Variants in ARHGAP18 observed in about 807,000 individuals in gnomAD.
The protein encoded by ARHGAP18 is rho GTPase-activating protein 18.
In ARHGAP18, 67 loss-of-function variants were observed where a neutral mutation model predicts 86.2. The observed-to-expected ratio is 0.78, with a 90% CI of 0.64 to 0.95. ARHGAP18 has a LOEUF of 0.95. Among genes scored for constraint, ARHGAP18 ranks in the 40% least tolerant of loss-of-function variants. ARHGAP18 has a pLI of 0.00. For synonymous variants in ARHGAP18, 283 were observed against 280.4 expected (o/e 1.01, Z -0.09); for missense variants, 691 against 780.4 (o/e 0.89, Z 1.37).
chr6:129,603,203 C>G (rs1185659493), intron 10 of ARHGAP18, among the ~76,000 whole-genome samples: 1 of 151,960 alleles, frequency 6.6e-6, no homozygotes, highest in Non-Finnish European at 1.5e-5. Context: ...CCTTTGCATC[C>G]TCATAGCTTA....
chr6:129,627,093 AAT>A (rs1308696738), intron 5 of ARHGAP18, among the ~76,000 whole-genome samples: 209 of 152,258 alleles, frequency 1.4e-3, no homozygotes, highest in Non-Finnish European at 3.8e-4. Flanking sequence ...GATCACATCA[AAT>A]ATGTGTAAAT....
chr6:129,621,520 T>C (rs1362821820), intron 5 of ARHGAP18, among the ~76,000 whole-genome samples: 1 of 152,132 alleles, frequency 6.6e-6, no homozygotes, highest in African/African-American at 2.4e-5. Flanking sequence ...AGGTGGCAAA[T>C]GCTGTTTCCA....
chr6:129,618,052 A>C (rs1293436642), intron 6 of ARHGAP18, among the ~76,000 whole-genome samples: 1 of 150,792 alleles, frequency 6.6e-6, no homozygotes, highest in African/African-American at 2.4e-5. Context: ...TCTGTTCTCT[A>C]TTATATCATT....
Position 129,577,251 on chromosome 6 carries a change from C to G in ARHGAP18, c.*1262G>C, listed in dbSNP as rs569919863. On this transcript the variant is annotated 3_prime_UTR_variant, in exon 15 of 15. Transcript: ENST00000368149. ...CTGTTCTCATTAACAGCATTCCCCC[C>G]CTTCATTAGAGACATCAAGAGCTTC... is the stretch of plus-strand genomic sequence containing the variant. 2.1e-4 allele frequency: 32 copies of G among 152,138 alleles called. No individual in the cohort carries two copies. Among genetic ancestry groups the G allele is most frequent in the African/African-American group, 7.5e-4 (31 of 41,438 alleles). The allele number at this position is 152,138 out of a possible 1,614,324, so 9.4% of individuals were successfully genotyped here.
intron 1 of ARHGAP18, among the ~76,000 whole-genome samples, chr6:129,669,154 C>A (rs1409580128): frequency 1.3e-5 from 2 of 151,500 alleles, no homozygotes; most frequent in African/African-American, 4.9e-5. Context: ...AACTGCTGTG[C>A]TTGGCATCTA....
chr6:129,649,767 C>T (rs1773664599), intron 1 of ARHGAP18, among the ~76,000 whole-genome samples: 2 of 151,912 alleles, frequency 1.3e-5, no homozygotes, highest in Non-Finnish European at 1.5e-5. Flanking sequence ...AAGACAAGCC[C>T]ATTAATGACA....
chr6:129,634,197 C>G, intron 3 of ARHGAP18, 92 bp from the exon 4 acceptor site: 4 of 1,073,334 alleles, frequency 3.7e-6, no homozygotes, highest in African/African-American at 1.6e-5. Context: ...CTTTAGAGTA[C>G]AAGACATGTA....
intron 12 of ARHGAP18, chr6:129,598,964 A>G: frequency 3.9e-6 from 1 of 253,230 alleles, no homozygotes; most frequent in South Asian, 8.4e-5. Flanking sequence ...GTGTGTGTTC[A>G]GTCTTGTCTT....
At chr6:129,701,497 C>T (rs1178884836) in intron 1 of ARHGAP18, among the ~76,000 whole-genome samples, 3 of 152,154 alleles carry the variant, frequency 2.0e-5, no homozygotes, top group Admixed American at 6.5e-5. Flanking sequence ...TAAGGCCGGG[C>T]GCGGTGGCTC....
At chr6:129,643,001 T>A (rs1397154383) in intron 1 of ARHGAP18, among the ~76,000 whole-genome samples, 1 of 152,154 alleles carries the variant, frequency 6.6e-6, no homozygotes, top group African/African-American at 2.4e-5. Flanking sequence ...ATAAATTGAA[T>A]AAATAAGAGT....
In ARHGAP18 at chr6:129,605,921, G is replaced by A. The variant is rs1449718197; in HGVS notation, c.1321C>T (p.Leu441Phe). 2 of 1,613,472 alleles carry A rather than the reference G, an allele frequency of 1.2e-6. No individual in the cohort carries two copies. The highest frequency in any genetic ancestry group is 1.3e-5 in the African/African-American group (1 of 74,878). The change falls in exon 10 of 15, where the codon CTT (leucine) becomes TTT (phenylalanine). Residue 441 changes from leucine (L) to phenylalanine (F), a missense_variant. Coordinates refer to ENST00000368149, the MANE Select transcript of ARHGAP18 (RefSeq NM_033515.3). Reference sequence around the variant, plus strand: ...GCATCAGGTAGGAGGATGACAAGAAGGTTCAAAGCCTGTAGTTGCTGCTTC... The same window carrying A: ...GCATCAGGTAGGAGGATGACAAGAAAGTTCAAAGCCTGTAGTTGCTGCTTC... ...TKKQQLQALN[L>F]LVILLPDANR...
intron 1 of ARHGAP18, among the ~76,000 whole-genome samples, chr6:129,695,234 A>T (rs1774592986): frequency 6.6e-6 from 1 of 151,964 alleles, no homozygotes; most frequent in African/African-American, 2.4e-5. Context: ...CCAGGATATT[A>T]TATGTTACAA....
chr6:129,624,893 TGAG>T (rs1789308972), intron 5 of ARHGAP18, among the ~76,000 whole-genome samples: 1 of 147,010 alleles, frequency 6.8e-6, no homozygotes, highest in African/African-American at 2.5e-5. Flanking sequence ...TGCAGTGAGC[TGAG>T]ATCACACCAT....
In ARHGAP18 at chr6:129,599,305, T is replaced by A. The variant is rs1405482753; in HGVS notation, c.1624A>T (p.Lys542Ter). Residue 542 changes from lysine (K) to a stop codon, truncating the protein, a stop_gained, in exon 12 of 15, where the codon AAA (lysine) becomes TAA (stop). Transcript: ENST00000368149. LOFTEE classifies it high-confidence loss of function. The stretch of plus-strand genomic sequence containing the variant: ...TTCTTCATGGCTCTTTTATCCTTTT[T>A]ATGATTTTCCGTGTTTTGCTTCCTC... ...QVRKQNTENHKKDKRAMKKLL... is the reference protein window; with the variant it reads ...QVRKQNTENH 6.3e-7 allele frequency: 1 copy of A among 1,594,396 alleles called. No homozygotes were observed. The highest frequency in any genetic ancestry group is 1.8e-5 in the Admixed American group (1 of 56,218).
At chr6:129,654,253 G>C (rs972345206) in intron 1 of ARHGAP18, among the ~76,000 whole-genome samples, 1 of 152,094 alleles carries the variant, frequency 6.6e-6, no homozygotes, top group Non-Finnish European at 1.5e-5. Context: ...TTTTAATAAG[G>C]AAACACAGTT....
At chr6:129,620,807 C>T (rs1421581843) in intron 5 of ARHGAP18, among the ~76,000 whole-genome samples, 4 of 152,174 alleles carry the variant, frequency 2.6e-5, no homozygotes, top group African/African-American at 9.7e-5. Context: ...TATCCAATAT[C>T]CTTCCAAAAA....
chr6:129,682,635 T>A (rs2114538338), intron 1 of ARHGAP18, among the ~76,000 whole-genome samples: 1 of 152,306 alleles, frequency 6.6e-6, no homozygotes, highest in Middle Eastern at 3.4e-3. Flanking sequence ...GCAACATTCT[T>A]ATGTCCCAAA....
In ARHGAP18 at chr6:129,613,122, A is replaced by G. The variant is rs1046558954; in HGVS notation, c.1045-1512T>C. ...GTGGCAGGTGCCTGTGATCCCAGCT[A>G]CTTGGGAGGCTGAGGCAGGAGAATG... is the stretch of plus-strand genomic sequence containing the variant. On this transcript the variant is annotated intron_variant, in intron 7 of 14. Coordinates refer to ENST00000368149, the MANE Select transcript of ARHGAP18 (RefSeq NM_033515.3). Among the ~76,000 whole-genome samples, 4 of 151,850 alleles carry G rather than the reference A, an allele frequency of 2.6e-5. No homozygotes were observed. In the East Asian group the frequency reaches 7.8e-4, roughly 29 times the overall value.
chr6:129,630,286 CTT>C (rs1460758844), intron 4 of ARHGAP18, among the ~76,000 whole-genome samples: 1 of 152,132 alleles, frequency 6.6e-6, no homozygotes. Context: ...TTAAAAATCT[CTT>C]TGCTGAAAAC....
Sources: allele counts gnomAD v4.1 joint callset (sites outside exome capture counted in the v4.1 genomes callset), GRCh38; gene constraint gnomAD v4.1.1; transcripts MANE v1.5; gene names NCBI Gene and HGNC (gene_info 2026-07-23, HGNC 2026-07-21).